Variants in ZRANB1 observed in about 807,000 individuals in gnomAD.
The protein encoded by ZRANB1 is ubiquitin thioesterase ZRANB1.
A neutral mutation model predicts 80.5 loss-of-function variants in ZRANB1; 16 were observed. That is an observed-to-expected ratio of 0.20 (90% CI 0.13 to 0.30). The LOEUF (loss-of-function observed/expected upper bound fraction) is 0.30, where lower values mean the gene tolerates loss of function less well. ZRANB1 is among the 10% of genes least tolerant of loss of function. ZRANB1 has a pLI of 1.00. For synonymous variants in ZRANB1, 291 were observed against 293.1 expected (o/e 0.99, Z 0.07); for missense variants, 576 against 862.6 (o/e 0.67, Z 4.16).
chr10:124,966,517 T>G (rs1951777821), intron 1 of ZRANB1, 77 bp from the exon 2 acceptor site: 1 of 1,410,408 alleles, frequency 7.1e-7, no homozygotes, highest in South Asian at 1.3e-5. Context: ...TTAAAAGATT[T>G]TGGAGTGATT....
At chr10:124,921,260 A>G in the ZRANB1 span, among the ~76,000 whole-genome samples, 1 of 152,222 alleles carries the variant, frequency 6.6e-6, no homozygotes, top group African/African-American at 2.4e-5. Context: ...GGGAAGGAGA[A>G]AATAATCTGT....
At chr10:124,967,576 G>A (rs1056236165) in intron 2 of ZRANB1, among the ~76,000 whole-genome samples, 1 of 152,168 alleles carries the variant, frequency 6.6e-6, no homozygotes, top group Non-Finnish European at 1.5e-5. Flanking sequence ...ATTGTGTTTT[G>A]GCTGCTGCAC....
the ZRANB1 span, among the ~76,000 whole-genome samples, chr10:124,921,119 A>G: frequency 1.3e-5 from 2 of 152,206 alleles, no homozygotes; most frequent in Non-Finnish European, 2.9e-5. Flanking sequence ...TGTTTGTGTC[A>G]TATTATTAAA....
At chr10:124,919,495 C>T in the ZRANB1 span, among the ~76,000 whole-genome samples, 1 of 151,622 alleles carries the variant, frequency 6.6e-6, no homozygotes, top group African/African-American at 2.4e-5. Context: ...TGCTGCGAGC[C>T]GAGATCCAGC....
At chr10:124,952,505 G>A (rs1589843416) in intron 1 of ZRANB1, among the ~76,000 whole-genome samples, 1 of 152,286 alleles carries the variant, frequency 6.6e-6, no homozygotes, top group East Asian at 1.9e-4. Flanking sequence ...CTGACCTCCT[G>A]AATTCTAAGA....
chr10:124,918,608 C>T, the ZRANB1 span, among the ~76,000 whole-genome samples: 1 of 152,206 alleles, frequency 6.6e-6, no homozygotes, highest in Non-Finnish European at 1.5e-5. Context: ...TTTGGTCAAA[C>T]ATGGATGACT....
chr10:124,972,844 T>C (rs74451297), intron 3 of ZRANB1, among the ~76,000 whole-genome samples: 4,024 of 151,844 alleles, frequency 0.027, 156 homozygotes, highest in African/African-American at 0.091. Flanking sequence ...ATGGGCGTGA[T>C]CATAGCTTAC....
intron 5 of ZRANB1, 44 bp downstream of exon 5, chr10:124,974,442 C>G: frequency 6.3e-7 from 1 of 1,599,200 alleles, no homozygotes; most frequent in Non-Finnish European, 8.6e-7. Context: ...AGTGCATTTG[C>G]TGGATTATTT....
At chr10:124,944,511 G>A (rs1951563842) in intron 1 of ZRANB1, among the ~76,000 whole-genome samples, 1 of 100,632 alleles carries the variant, frequency 9.9e-6, no homozygotes, top group Non-Finnish European at 1.8e-5. Flanking sequence ...CCCAAGATGG[G>A]ATCTCACTCT....
At position 124,985,554 on chromosome 10, in the gene ZRANB1, CT is replaced by C. The variant is rs1236495514; in HGVS notation, c.*566del. 3 of 152,588 alleles carry C rather than the reference CT, an allele frequency of 2.0e-5. No homozygotes were observed. The highest frequency in any genetic ancestry group is 4.4e-5 in the Non-Finnish European group (3 of 68,032). The allele number at this position is 152,588 out of a possible 1,614,324, so 9.5% of individuals were successfully genotyped here. Reference sequence around the variant, plus strand: ...TCGTTCCTCTTGTGCCCAATCAAATCTTTTAGGAACAAACTGCAAGAAAAGC... The same window carrying C: ...TCGTTCCTCTTGTGCCCAATCAAATCTTTAGGAACAAACTGCAAGAAAAGC... On this transcript the variant is annotated 3_prime_UTR_variant, in exon 9 of 9. Coordinates refer to ENST00000359653, the MANE Select transcript of ZRANB1 (RefSeq NM_017580.3).
rs914611287 is a variant in ZRANB1 at position 124,973,510 on chromosome 10, C to G, written c.1157-135C>G. ...GTTACACTGGTATATTAAGAAAAAGCTATCTGATAACCTTCAATGGAAAGG... is the reference window on the plus strand; with the variant it reads ...GTTACACTGGTATATTAAGAAAAAGGTATCTGATAACCTTCAATGGAAAGG... On this transcript the variant is annotated intron_variant, in intron 3 of 8. Transcript: ENST00000359653. 5.5e-6 allele frequency: 4 copies of G among 727,462 alleles called. No individual in the cohort carries two copies. In the African/African-American group the frequency reaches 7.2e-5, roughly 13 times the overall value. 45.1% of individuals were successfully genotyped at this position (727,462 alleles called of 1,614,324 possible).
the ZRANB1 span, among the ~76,000 whole-genome samples, chr10:124,934,870 C>T: frequency 3.3e-5 from 5 of 152,218 alleles, no homozygotes; most frequent in Non-Finnish European, 5.9e-5. Flanking sequence ...GCACTTGGCT[C>T]TTTAATTCAG....
At position 124,983,160 on chromosome 10, in the gene ZRANB1, T is replaced by G. The variant is rs539890321; in HGVS notation, c.1549-15T>G. Reference sequence around the variant, plus strand: ...TGGTAATAAATGTTTTAAGTTTTTGTTTTGTTTCGTACAGCCTGGAGCAAG... The same window carrying G: ...TGGTAATAAATGTTTTAAGTTTTTGGTTTGTTTCGTACAGCCTGGAGCAAG... On this transcript the variant is annotated splice_polypyrimidine_tract_variant and intron_variant, in intron 6 of 8. Coordinates refer to ENST00000359653, the MANE Select transcript of ZRANB1 (RefSeq NM_017580.3). This position sits in a 1 kb window ranked among gnomAD's most constrained non-coding sequence, Gnocchi z 6.2. 5 of 1,598,314 alleles carry G rather than the reference T, an allele frequency of 3.1e-6. No individual in the cohort carries two copies. The Admixed American group carries it at 8.9e-5, about 28-fold the overall frequency.
chr10:124,921,256 G>A, the ZRANB1 span, among the ~76,000 whole-genome samples: 1 of 152,208 alleles, frequency 6.6e-6, no homozygotes, highest in South Asian at 2.1e-4. Flanking sequence ...TCATGGGAAG[G>A]AGAAAATAAT....
intron 4 of ZRANB1, 103 bp from the exon 5 acceptor site, chr10:124,974,097 A>T: frequency 8.6e-7 from 1 of 1,156,560 alleles, no homozygotes; most frequent in Non-Finnish European, 1.2e-6. Flanking sequence ...TTGGTAAATT[A>T]CATATAAACC....
At chr10:124,970,833 GT>G (rs34391929) in intron 2 of ZRANB1, among the ~76,000 whole-genome samples, 9,489 of 85,332 alleles carry the variant, frequency 0.11, 208 homozygotes, top group African/African-American at 0.16. Flanking sequence ...TCTCTTTGGG[GT>G]TTTTTTTTTT....
At chr10:124,924,718 G>A in the ZRANB1 span, among the ~76,000 whole-genome samples, 1 of 152,004 alleles carries the variant, frequency 6.6e-6, no homozygotes, top group African/African-American at 2.4e-5. Flanking sequence ...TTGATTGATG[G>A]GCATTTGGAT....
At chr10:124,921,833 T>A in the ZRANB1 span, among the ~76,000 whole-genome samples, 2 of 152,168 alleles carry the variant, frequency 1.3e-5, no homozygotes, top group Middle Eastern at 3.4e-3. Context: ...ATTCTTTGCT[T>A]TTTGGAAGGG....
At chr10:124,969,245 T>C (rs1274601421) in intron 2 of ZRANB1, among the ~76,000 whole-genome samples, 1 of 152,248 alleles carries the variant, frequency 6.6e-6, no homozygotes, top group Non-Finnish European at 1.5e-5. Flanking sequence ...AACATACCAT[T>C]ACTTTTGCTG....
Sources: allele counts gnomAD v4.1 joint callset (sites outside exome capture counted in the v4.1 genomes callset), GRCh38; gene constraint gnomAD v4.1.1; non-coding constraint Gnocchi (gnomAD v3.1); transcripts MANE v1.5; gene names NCBI Gene and HGNC (gene_info 2026-07-23, HGNC 2026-07-21).